The following RBMS3 variants were observed in gnomAD, a reference collection of about 807,000 sequenced individuals.
RBMS3 encodes the protein RNA binding motif single stranded interacting protein 3.
A neutral mutation model predicts 66.8 loss-of-function variants in RBMS3; 27 were observed. The ratio of observed to expected loss-of-function variants is 0.40; its 90% confidence interval spans 0.30 to 0.56. The LOEUF (loss-of-function observed/expected upper bound fraction) is 0.56. Ranked by LOEUF, RBMS3 falls within the 20% of genes least tolerant of loss-of-function variation. RBMS3 has a pLI of 0.40. For synonymous variants in RBMS3, 188 were observed against 183.0 expected, an observed-to-expected ratio of 1.03 and a Z score of -0.22; for missense variants, 513 against 549.5, an observed-to-expected ratio of 0.93 and a Z score of 0.66.
chr3:29,734,073 A>G (rs1270587502), intron 4 of RBMS3, among the ~76,000 whole-genome samples: 3 of 152,122 alleles, frequency 2.0e-5, no homozygotes, highest in Non-Finnish European at 2.9e-5. Flanking sequence ...AAAAGAGAAT[A>G]AAATTCTGTC....
intron 1 of RBMS3, among the ~76,000 whole-genome samples, chr3:29,378,035 G>C (rs2038567051): frequency 6.6e-6 from 1 of 152,148 alleles, no homozygotes; most frequent in Admixed American, 6.6e-5. Context: ...TTGGTTGCTA[G>C]GGAAAGCAAA....
chr3:29,718,105 T>A (rs57626365), intron 4 of RBMS3, among the ~76,000 whole-genome samples: 49,027 of 151,826 alleles, frequency 0.32, 8,034 homozygotes, highest in East Asian at 0.41. Flanking sequence ...TTTTTCCTGA[T>A]GTTTTTCATT....
At chr3:29,319,470 G>A (rs563193217) in intron 1 of RBMS3, among the ~76,000 whole-genome samples, 1 of 152,060 alleles carries the variant, frequency 6.6e-6, no homozygotes, top group South Asian at 2.1e-4. Context: ...TGGTTTGACT[G>A]TATAGAAAAA....
At chr3:29,897,947 A>T (rs1333219474) in intron 9 of RBMS3, among the ~76,000 whole-genome samples, 3 of 151,664 alleles carry the variant, frequency 2.0e-5, no homozygotes, top group Admixed American at 2.0e-4. Flanking sequence ...AAACAGAAGA[A>T]ATTATCAAAG....
At chr3:29,935,572 A>G (rs2061245788) in intron 10 of RBMS3, among the ~76,000 whole-genome samples, 1 of 152,154 alleles carries the variant, frequency 6.6e-6, no homozygotes, top group African/African-American at 2.4e-5. Flanking sequence ...AGATTTTAAT[A>G]TGTCCTTCAA....
At chr3:29,542,058 G>A (rs1000682976) in intron 3 of RBMS3, among the ~76,000 whole-genome samples, 31 of 152,010 alleles carry the variant, frequency 2.0e-4, no homozygotes, top group African/African-American at 7.0e-4. Context: ...TCAGTTGTCT[G>A]GGTTCCCACT....
In RBMS3 at chr3:29,665,502, C is replaced by T. The variant is rs114017373; in HGVS notation, c.400-74218C>T. 2.2e-3 allele frequency among the ~76,000 whole-genome samples: 341 copies of T among 152,248 alleles called. 2 individuals are homozygous for T. Among genetic ancestry groups the T allele is most frequent in the African/African-American group, 7.4e-3 (308 of 41,560 alleles). On this transcript the variant is annotated intron_variant, in intron 4 of 14. Transcript: ENST00000383767. The stretch of plus-strand genomic sequence containing the variant: ...TTTCCAAACACTATCTGTCTTTTCT[C>T]CTCCCAGTCAAACTAGTTAATTTGT...
chr3:29,623,737 C>T (rs530667412), intron 4 of RBMS3, among the ~76,000 whole-genome samples: 1 of 152,150 alleles, frequency 6.6e-6, no homozygotes, highest in Admixed American at 6.5e-5. Context: ...TAAACTTCAG[C>T]TAGAGGAAAA....
intron 12 of RBMS3, among the ~76,000 whole-genome samples, chr3:29,964,396 G>A (rs1696688273): frequency 6.6e-6 from 1 of 152,170 alleles, no homozygotes; most frequent in Admixed American, 6.5e-5. Context: ...CAGAAATACA[G>A]TGCCAGGATA....
chr3:29,722,327 T>C lies in RBMS3; in HGVS notation c.400-17393T>C, dbSNP rs28759319. Reference sequence around the variant, plus strand: ...CTTTATCATTTTCTCTATTAATATATACATATTATTATTTTAAGATGTTTG... The same window carrying C: ...CTTTATCATTTTCTCTATTAATATACACATATTATTATTTTAAGATGTTTG... On this transcript the variant is annotated intron_variant, in intron 4 of 14. Coordinates refer to ENST00000383767, the MANE Select transcript of RBMS3 (RefSeq NM_001003793.3). 6.0e-3 allele frequency among the ~76,000 whole-genome samples: 910 copies of C among 152,220 alleles called. 7 individuals carry two copies. The highest frequency in any genetic ancestry group is 0.02 in the African/African-American group (842 of 41,556).
intron 3 of RBMS3, among the ~76,000 whole-genome samples, chr3:29,518,218 T>G (rs2044717257): frequency 6.6e-6 from 1 of 152,358 alleles, no homozygotes; most frequent in South Asian, 2.1e-4. Context: ...GAACTGCAAC[T>G]GTTTGTGGTT....
At chr3:29,821,080 A>G (rs953896120) in intron 6 of RBMS3, among the ~76,000 whole-genome samples, 1 of 152,234 alleles carries the variant, frequency 6.6e-6, no homozygotes, top group South Asian at 2.1e-4. Flanking sequence ...ATCCAAGTTC[A>G]TATATCCCCT....
intron 2 of RBMS3, among the ~76,000 whole-genome samples, chr3:29,465,182 T>A (rs2042495671): frequency 6.6e-6 from 1 of 152,226 alleles, no homozygotes. Context: ...GTGGAAAATG[T>A]GAATCTGGAT....
chr3:29,292,902 C>T (rs1022588878), intron 1 of RBMS3, among the ~76,000 whole-genome samples: 1 of 151,756 alleles, frequency 6.6e-6, no homozygotes, highest in Non-Finnish European at 1.5e-5. Context: ...ACAGAAGAAA[C>T]ATGTTTGGGG....
intron 12 of RBMS3, among the ~76,000 whole-genome samples, chr3:29,944,521 G>A (rs906201860): frequency 3.0e-4 from 45 of 151,622 alleles, no homozygotes; most frequent in Admixed American, 2.8e-3. Flanking sequence ...ACAGAAGATA[G>A]AGTCTGTGTT....
chr3:29,516,127 G>A (rs1371936615), intron 3 of RBMS3, among the ~76,000 whole-genome samples: 1 of 152,168 alleles, frequency 6.6e-6, no homozygotes, highest in Non-Finnish European at 1.5e-5. Context: ...GGCTGGGAAG[G>A]GGATTGATCA....
At chr3:29,340,679 G>A (rs2036231676) in intron 1 of RBMS3, among the ~76,000 whole-genome samples, 1 of 152,194 alleles carries the variant, frequency 6.6e-6, no homozygotes, top group Non-Finnish European at 1.5e-5. Context: ...AGCAAAGCTG[G>A]TTTTACTGTA....
chr3:29,308,663 G>A lies in RBMS3; in HGVS notation c.75+26907G>A, dbSNP rs562911209. Among the ~76,000 whole-genome samples, 9 of 150,704 alleles carry A rather than the reference G, an allele frequency of 6.0e-5. 2 individuals are homozygous for A. Among genetic ancestry groups the A allele is most frequent in the Middle Eastern group, 6.8e-3 (2 of 292 alleles). On this transcript the variant is annotated intron_variant, in intron 1 of 14. Coordinates refer to ENST00000383767, the MANE Select transcript of RBMS3 (RefSeq NM_001003793.3). Reference sequence around the variant, plus strand: ...ATAATTTATAGAATTACATGTAAATGTCTAAAGGAATGGTATGGCCAAAGG... The same window carrying A: ...ATAATTTATAGAATTACATGTAAATATCTAAAGGAATGGTATGGCCAAAGG...
Position 29,847,810 on chromosome 3 carries a change from C to T in RBMS3, c.638-21048C>T, listed in dbSNP as rs1409319220. Among the ~76,000 whole-genome samples the T allele has an allele frequency of 3.3e-5, 5 of 152,254 alleles. No homozygotes were observed. The East Asian group carries it at 5.8e-4, about 18-fold the overall frequency. ...AGCTGGGACTACAGGCGCTCGCCGT[C>T]ACGCCCGGCTAATTTTCTTGTGTTT... On this transcript the variant is annotated intron_variant, in intron 6 of 14. Coordinates refer to ENST00000383767, the MANE Select transcript of RBMS3 (RefSeq NM_001003793.3).
Sources: gnomAD v4.1 joint callset for allele counts (sites outside exome capture counted in the v4.1 genomes callset) on GRCh38, gnomAD v4.1.1 for gene constraint, MANE v1.5 for transcripts, NCBI Gene and HGNC (gene_info 2026-07-23, HGNC 2026-07-21) for gene names.